ABCD4: variants seen among roughly 807,000 people sequenced by gnomAD.
ABCD4 encodes the protein ATP binding cassette subfamily D member 4.
ABCD4 carries 53 observed loss-of-function variants against 86.3 expected under a neutral mutation model. The observed-to-expected ratio is 0.61, with a 90% CI of 0.49 to 0.77. ABCD4 has a LOEUF of 0.77. Ranked by LOEUF, ABCD4 falls within the 30% of genes least tolerant of loss-of-function variation. ABCD4 has a pLI of 0.00. For synonymous variants in ABCD4, 328 were observed against 313.6 expected, an observed-to-expected ratio of 1.05 and a Z score of -0.49; for missense variants, 757 against 764.5, an observed-to-expected ratio of 0.99 and a Z score of 0.12.
At chr14:74,298,276 AT>A in intron 3 of ABCD4, among the ~76,000 whole-genome samples, 1 of 151,640 alleles carries the variant, frequency 6.6e-6, no homozygotes, top group Non-Finnish European at 1.5e-5. Context: ...CCTTCACCAA[AT>A]TTTTTTTCTC....
At chr14:74,290,733 T>C (rs917276368) in intron 11 of ABCD4, among the ~76,000 whole-genome samples, 2 of 146,266 alleles carry the variant, frequency 1.4e-5, no homozygotes, top group African/African-American at 2.6e-5. Flanking sequence ...CACCCAGGCT[T>C]GAGTGCAGTG....
At chr14:74,289,173 TG>T in intron 14 of ABCD4, 1 of 1,144,916 alleles carries the variant, frequency 8.7e-7, no homozygotes, top group African/African-American at 1.9e-5. Flanking sequence ...GATGCAGGGG[TG>T]GGGGCCTCAG....
Position 74,298,421 on chromosome 14 carries a change from A to G in ABCD4, c.286-352T>C, listed in dbSNP as rs138576565. Among the ~76,000 whole-genome samples the G allele has an allele frequency of 3.9e-3, 598 of 152,144 alleles. 4 individuals carry two copies. The highest frequency in any genetic ancestry group is 0.014 in the Middle Eastern group (4 of 294). On this transcript the variant is annotated intron_variant, in intron 3 of 18. Transcript: ENST00000356924. ...CGAGTAGCTGGGATTACAGGCATGC[A>G]CCACCACGCCCAGCTAATTTTGTAT...
Position 74,290,079 on chromosome 14 carries a change from A to G in ABCD4, c.1367T>C (p.Val456Ala). The change falls in exon 13 of 19, where the codon GTG becomes GCG. Residue 456 changes from valine (V) to alanine (A), a missense_variant. Transcript: ENST00000356924. ...GAATGGCTTTTGTGGCAGGAATAGC[A>G]CCCCATGGGGCCCAAAGTCCGTCAG... ...QMLTDFGPHG[V>A]LFLPQKPFFT... 1 of 1,613,790 alleles carries G rather than the reference A, an allele frequency of 6.2e-7. No individual in the cohort carries two copies. The highest frequency in any genetic ancestry group is 8.5e-7 in the Non-Finnish European group (1 of 1,179,938).
At position 74,285,405 on chromosome 14, in the gene ABCD4, G is replaced by T. The variant is rs10141723; in HGVS notation, c.*1056C>A. On this transcript the variant is annotated 3_prime_UTR_variant, in exon 19 of 19. Coordinates refer to ENST00000356924, the MANE Select transcript of ABCD4 (RefSeq NM_005050.4). ...TCTATGCAGGCAACAGCATCTAGCC[G>T]TAAGTTAATAACACCGATGGTTTTT... The T allele has an allele frequency of 6.6e-6, 1 of 152,178 alleles. No homozygotes were observed. Among genetic ancestry groups the T allele is most frequent in the African/African-American group, 2.4e-5 (1 of 41,426 alleles). The allele number at this position is 152,178 out of a possible 1,614,324, so 9.4% of individuals were successfully genotyped here.
In ABCD4 at chr14:74,285,345, C is replaced by G. The variant is rs978939024; in HGVS notation, c.*1116G>C. The G allele has an allele frequency of 2.0e-5, 3 of 152,156 alleles. No homozygotes were observed. The highest frequency in any genetic ancestry group is 4.4e-5 in the Non-Finnish European group (3 of 68,026). The allele number at this position is 152,156 out of a possible 1,614,324, so 9.4% of individuals were successfully genotyped here. A position where few individuals can be genotyped will look rare whatever the true frequency, so the allele number is the denominator to read the frequency against. ...CCAGTCCGTCTAACTCCTCACCTCT[C>G]TTTTTTACAAAATGAACAAGCCTCA... On this transcript the variant is annotated 3_prime_UTR_variant, in exon 19 of 19. Transcript: ENST00000356924.
intron 17 of ABCD4, among the ~76,000 whole-genome samples, chr14:74,287,448 G>A (rs1184391643): frequency 6.6e-6 from 1 of 151,520 alleles, no homozygotes; most frequent in African/African-American, 2.4e-5. Flanking sequence ...CAGCTACTCA[G>A]GAGGCTGAGG....
In ABCD4 at chr14:74,292,844, CAGAT is replaced by C; in HGVS notation, c.836_839del (p.Tyr279TrpfsTer5). ...TGACAACGTAACTCAGGATGCTGCCCAGATAGTCAAAGGTGTTGATGCCGACTGT... is the reference window on the plus strand; with the variant it reads ...TGACAACGTAACTCAGGATGCTGCCCAGTCAAAGGTGTTGATGCCGACTGT... On this transcript the variant is annotated frameshift_variant, in exon 9 of 19. Coordinates refer to ENST00000356924, the MANE Select transcript of ABCD4 (RefSeq NM_005050.4). LOFTEE classifies it high-confidence loss of function. 1 of 1,614,148 alleles carries C rather than the reference CAGAT, an allele frequency of 6.2e-7. No individual in the cohort carries two copies. The highest frequency in any genetic ancestry group is 8.5e-7 in the Non-Finnish European group (1 of 1,180,022).
intron 14 of ABCD4, chr14:74,288,982 T>C: frequency 1.1e-6 from 1 of 902,658 alleles, no homozygotes; most frequent in African/African-American, 1.7e-5. Flanking sequence ...CAAGGTGGCG[T>C]GCACCTGTAG....
At chr14:74,301,088 C>T (rs966426530) in intron 1 of ABCD4, among the ~76,000 whole-genome samples, 24 of 151,214 alleles carry the variant, frequency 1.6e-4, no homozygotes, top group African/African-American at 5.6e-4. Context: ...TCCTGACCTC[C>T]GGTGATCCAC....
At chr14:74,302,796 G>A in intron 1 of ABCD4, 79 bp downstream of exon 1, 1 of 1,389,020 alleles carries the variant, frequency 7.2e-7, no homozygotes, top group African/African-American at 1.5e-5. Flanking sequence ...CGGCGGACGA[G>A]GCACGGAGGG....
chr14:74,287,644 C>CG (rs1222876283), intron 17 of ABCD4, among the ~76,000 whole-genome samples, 166 bp downstream of exon 17: 2 of 152,062 alleles, frequency 1.3e-5, no homozygotes, highest in Non-Finnish European at 2.9e-5. Context: ...TTAACTCTGA[C>CG]GATGCCAGGC....
In ABCD4 at chr14:74,289,935, C is replaced by T. The variant is rs980503969; in HGVS notation, c.1419+92G>A. The T allele has an allele frequency of 6.9e-6, 11 of 1,594,044 alleles. No individual in the cohort carries two copies. In the East Asian group the frequency reaches 2.5e-4, roughly 36 times the overall value. On this transcript the variant is annotated intron_variant, in intron 13 of 18. Coordinates refer to ENST00000356924, the MANE Select transcript of ABCD4 (RefSeq NM_005050.4). ...CACCACCTCACCTTTTGCCCTGACT[C>T]TAGGACCTGAGACTTGTCACAGTGC...
chr14:74,286,911 G>C lies in ABCD4; in HGVS notation c.1637-95C>G, dbSNP rs574653044. 2.6e-5 allele frequency: 32 copies of C among 1,209,852 alleles called. No individual in the cohort carries two copies. The African/African-American group carries it at 4.7e-4, about 18-fold the overall frequency. 74.9% of individuals were successfully genotyped at this position (1,209,852 alleles called of 1,614,324 possible). On this transcript the variant is annotated intron_variant, in intron 17 of 18. Coordinates refer to ENST00000356924, the MANE Select transcript of ABCD4 (RefSeq NM_005050.4). ...CATACTCAACCCCAGCTGGGACCCA[G>C]GGGAGGCTGAAAGCTGCTCTGGCTT...
chr14:74,289,294 CAGAA>C, intron 14 of ABCD4, 185 bp downstream of exon 14: 1 of 1,398,046 alleles, frequency 7.2e-7, no homozygotes, highest in South Asian at 1.8e-5. Context: ...TCCTTAAGGA[CAGAA>C]AGAATGAGGT....
chr14:74,290,348 C>T lies in ABCD4; in HGVS notation c.1270G>A (p.Gly424Ser), dbSNP rs993168511. The T allele has an allele frequency of 1.2e-6, 2 of 1,614,156 alleles. No homozygotes were observed. The highest frequency in any genetic ancestry group is 2.2e-5 in the East Asian group (1 of 44,884). ...GQSLLITGNT[G>S]TGKTSLLRVL... ...CGGAGCAAGGAGGTCTTGCCAGTGC[C>T]CGTGTTGCCTGTGATGAGCAGGCTC... The change falls in exon 12 of 19, where the codon GGC becomes AGC. Residue 424 changes from glycine to serine, a missense_variant. Gly to Ser is a moderately conservative substitution (Grantham distance 56, BLOSUM62 0). Transcript: ENST00000356924.
chr14:74,300,301 C>G (rs1265998124), intron 1 of ABCD4, 33 bp from the exon 2 acceptor site: 9 of 1,430,620 alleles, frequency 6.3e-6, no homozygotes, highest in Non-Finnish European at 5.9e-6. Context: ...GAGAAAAGCC[C>G]AAGACAATAA....
chr14:74,290,302 G>C lies in ABCD4; in HGVS notation c.1316C>G (p.Thr439Arg), dbSNP rs200761248. Residue 439 changes from threonine to arginine, a missense_variant, in exon 12 of 19, where the codon ACG becomes AGG. Physicochemically the swap from Thr to Arg is moderately conservative, Grantham distance 71. Transcript: ENST00000356924. ...GGCCTGGCTCTCACCCCGTGTACTC[G>C]TCCAGAGGCCACCCAGAACCCGGAG... is the stretch of plus-strand genomic sequence containing the variant. ...SLLRVLGGLW[T>R]STRGSVQMLT... 5 of 1,614,040 alleles carry C rather than the reference G, an allele frequency of 3.1e-6. No individual in the cohort carries two copies. In the African/African-American group the frequency reaches 6.7e-5, roughly 22 times the overall value.
At chr14:74,302,682 G>A (rs1482200426) in intron 1 of ABCD4, among the ~76,000 whole-genome samples, 193 bp downstream of exon 1, 1 of 152,236 alleles carries the variant, frequency 6.6e-6, no homozygotes, top group Non-Finnish European at 1.5e-5. Context: ...AACGGAGGGG[G>A]CCGCGGCCGG....
Sources: gnomAD v4.1 joint callset for allele counts (sites outside exome capture counted in the v4.1 genomes callset) on GRCh38, gnomAD v4.1.1 for gene constraint, MANE v1.5 for transcripts, NCBI Gene and HGNC (gene_info 2026-07-23, HGNC 2026-07-21) for gene names.